FKBP7: variants seen among roughly 807,000 people sequenced by gnomAD.
FKBP7 encodes the protein FKBP prolyl isomerase 7, also known as peptidyl-prolyl cis-trans isomerase FKBP7.
In FKBP7, 24 loss-of-function variants were observed where a neutral mutation model predicts 24.3. That is an observed-to-expected ratio of 0.99 (90% confidence interval 0.72 to 1.39). The LOEUF is 1.39. FKBP7 is among the 40% of genes most tolerant of loss of function. FKBP7 has a pLI of 0.00. For missense variants in FKBP7, 257 were observed against 269.5 expected, an observed-to-expected ratio of 0.95 and a Z score of 0.33; for synonymous variants, 98 against 92.8, an observed-to-expected ratio of 1.06 and a Z score of -0.32.
Position 178,478,457 on chromosome 2 carries a change from A to G in FKBP7, c.43T>C (p.Phe15Leu), listed in dbSNP as rs570372324. Residue 15 changes from phenylalanine to leucine, a missense_variant, in exon 1 of 4, where the codon TTT (phenylalanine) becomes CTT (leucine). Physicochemically the swap from Phe to Leu is conservative, Grantham distance 22. Coordinates refer to ENST00000424785, the MANE Select transcript of FKBP7 (RefSeq NM_181342.3). ...MHFLFRFIVF[F>L]YLWGLFTAQR... is the part of the protein sequence containing the mutation. ...GCAGTAAAAAGGCCCCACAGATAAA[A>G]GAAAACAATGAATCTGAATAAGAAA... 6.2e-7 allele frequency: 1 copy of G among 1,614,204 alleles called. No homozygotes were observed. Among genetic ancestry groups the G allele is most frequent in the South Asian group, 1.1e-5 (1 of 91,082 alleles).
At chr2:178,473,088 T>C (rs1396360289) in intron 2 of FKBP7, 2 of 1,305,360 alleles carry the variant, frequency 1.5e-6, no homozygotes, top group Non-Finnish European at 2.0e-6. Context: ...TGCAGGGTTG[T>C]TCTGTGACAT....
In FKBP7 at chr2:178,469,770, G is replaced by A. The variant is rs757846708; in HGVS notation, c.389C>T (p.Pro130Leu). The A allele has an allele frequency of 2.2e-5, 36 of 1,613,026 alleles. No individual in the cohort carries two copies. Among genetic ancestry groups the A allele is most frequent in the Non-Finnish European group, 2.9e-5 (34 of 1,179,752 alleles). ...CTCAAAAATCAATGTAGCATCCGGTGGAATCTTGCCTTCTGCTAAGGGTAT... is the reference window on the plus strand; with the variant it reads ...CTCAAAAATCAATGTAGCATCCGGTAGAATCTTGCCTTCTGCTAAGGGTAT... ...GKEGYAEGKI[P>L]PDATLIFEIE... Residue 130 changes from proline (P) to leucine (L), a missense_variant, in exon 3 of 4, where the codon CCA becomes CTA. Pro to Leu is a moderately conservative substitution (Grantham distance 98). Coordinates refer to ENST00000424785, the MANE Select transcript of FKBP7 (RefSeq NM_181342.3).
chr2:178,471,869 C>A (rs1195316643), intron 2 of FKBP7, among the ~76,000 whole-genome samples: 1 of 152,126 alleles, frequency 6.6e-6, no homozygotes, highest in African/African-American at 2.4e-5. Flanking sequence ...GAAAGATCTA[C>A]CCATGCATCA....
At chr2:178,468,089 T>C (rs897157730) in intron 3 of FKBP7, among the ~76,000 whole-genome samples, 1 of 152,040 alleles carries the variant, frequency 6.6e-6, no homozygotes, top group Non-Finnish European at 1.5e-5. Context: ...GGGGAAAGGA[T>C]TGGAGAGGGA....
intron 3 of FKBP7, among the ~76,000 whole-genome samples, chr2:178,468,634 A>T (rs1268918376): frequency 6.6e-6 from 1 of 152,126 alleles, no homozygotes; most frequent in Non-Finnish European, 1.5e-5. Flanking sequence ...AGAAAAATTT[A>T]AAAAATTGAA....
rs964472048 is a variant in FKBP7, at chr2:178,477,713, G to A, written c.222-500C>T. ...TATTTTATTCTAAATGGATGGAACT[G>A]TTTTTCCCAGTCCTATCTTTACAGG... On this transcript the variant is annotated intron_variant, in intron 1 of 3. Coordinates refer to ENST00000424785, the MANE Select transcript of FKBP7 (RefSeq NM_181342.3). 3.9e-5 allele frequency among the ~76,000 whole-genome samples: 6 copies of A among 152,024 alleles called. 1 individual carries two copies. The highest frequency in any genetic ancestry group is 1.3e-4 in the Admixed American group (2 of 15,254).
chr2:178,465,752 AGT>A lies in FKBP7; in HGVS notation c.*16_*17del. On this transcript the variant is annotated 3_prime_UTR_variant, in exon 4 of 4. Transcript: ENST00000424785. ...GTACAGTAAATAGCTAAAAAAAAAA[AGT>A]AGAAATACAAATATGCTATAGTTCA... The A allele has an allele frequency of 6.5e-7, 1 of 1,528,586 alleles. No homozygotes were observed. The highest frequency in any genetic ancestry group is 1.3e-5 in the South Asian group (1 of 79,150). 94.7% of individuals were successfully genotyped at this position (1,528,586 alleles called of 1,614,324 possible). A position where few individuals can be genotyped will look rare whatever the true frequency, so the allele number is the denominator to read the frequency against.
intron 2 of FKBP7, among the ~76,000 whole-genome samples, chr2:178,472,521 C>T (rs975181698): frequency 1.3e-5 from 2 of 151,778 alleles, no homozygotes; most frequent in African/African-American, 2.4e-5. Context: ...GTCACCCAGG[C>T]TAGAGTGCAA....
chr2:178,474,344 C>G (rs1055034586), intron 2 of FKBP7, among the ~76,000 whole-genome samples: 1 of 152,174 alleles, frequency 6.6e-6, no homozygotes, highest in African/African-American at 2.4e-5. Flanking sequence ...ATTTTCTTCT[C>G]TGTTCTGCTA....
chr2:178,478,489 G>A lies in FKBP7; in HGVS notation c.11C>T (p.Thr4Ile), dbSNP rs1685079120. Residue 4 changes from threonine to isoleucine, a missense_variant, in exon 1 of 4, where the codon ACC (threonine) becomes ATC (isoleucine). Transcript: ENST00000424785. Reference sequence around the variant, plus strand: ...AATGAATCTGAATAAGAAATGCATGGTTTTTGGCATCGGCTCCAGCAGAAC... The same window carrying A: ...AATGAATCTGAATAAGAAATGCATGATTTTTGGCATCGGCTCCAGCAGAAC... MPK[T>I]MHFLFRFIVF... 4.3e-6 allele frequency: 7 copies of A among 1,614,020 alleles called. No homozygotes were observed. The highest frequency in any genetic ancestry group is 5.9e-6 in the Non-Finnish European group (7 of 1,180,010).
chr2:178,473,237 G>T, intron 2 of FKBP7: 1 of 463,100 alleles, frequency 2.2e-6, no homozygotes, highest in Non-Finnish European at 4.2e-6. Context: ...AGTTACTTAA[G>T]GTCTACACTG....
intron 2 of FKBP7, among the ~76,000 whole-genome samples, chr2:178,472,077 C>T (rs1175696867): frequency 1.4e-4 from 21 of 145,282 alleles, no homozygotes; most frequent in African/African-American, 5.4e-4. Flanking sequence ...CTTTTCTTTT[C>T]GTTTTTTTTT....
chr2:178,477,252 G>A (rs761573125), intron 1 of FKBP7, 39 bp from the exon 2 acceptor site: 36 of 1,592,830 alleles, frequency 2.3e-5, no homozygotes, highest in Non-Finnish European at 3.1e-5. Context: ...CTGATTTCAA[G>A]AAATCAAACT....
chr2:178,470,900 C>T (rs143640226), intron 2 of FKBP7, among the ~76,000 whole-genome samples: 1,844 of 151,914 alleles, frequency 0.012, 40 homozygotes, highest in African/African-American at 0.042. Flanking sequence ...TTTTTTGAGA[C>T]GGCGTCTCAC....
chr2:178,468,034 G>A (rs1344432983), intron 3 of FKBP7: 1 of 152,192 alleles, frequency 6.6e-6, no homozygotes, highest in African/African-American at 2.4e-5. Flanking sequence ...GATGCCTGAA[G>A]GGAAAGTCAT....
chr2:178,473,055 C>G, intron 2 of FKBP7: 2 of 1,303,834 alleles, frequency 1.5e-6, no homozygotes, highest in African/African-American at 1.5e-5. Flanking sequence ...TAAGCACTAA[C>G]AAGTCACATG....
intron 2 of FKBP7, among the ~76,000 whole-genome samples, chr2:178,470,397 A>C (rs1374348791): frequency 2.6e-5 from 4 of 152,216 alleles, no homozygotes; most frequent in Non-Finnish European, 5.9e-5. Context: ...GCTTCTGTGG[A>C]TTTTGGAATC....
At chr2:178,473,183 CT>C in intron 2 of FKBP7, 1 of 886,420 alleles carries the variant, frequency 1.1e-6, no homozygotes, top group Non-Finnish European at 1.6e-6. Flanking sequence ...TTAATAACAA[CT>C]TACTTTTAAA....
chr2:178,469,518 T>C (rs1684789185), intron 3 of FKBP7, 134 bp downstream of exon 3: 2 of 916,114 alleles, frequency 2.2e-6, no homozygotes, highest in Non-Finnish European at 3.4e-6. Flanking sequence ...TAGATTATTT[T>C]TTAGTGACCA....
Sources: allele counts gnomAD v4.1 joint callset (sites outside exome capture counted in the v4.1 genomes callset), GRCh38; gene constraint gnomAD v4.1.1; transcripts MANE v1.5; gene names NCBI Gene and HGNC (gene_info 2026-07-23, HGNC 2026-07-21).